The following AXDND1 variants were observed in gnomAD, a reference collection of about 807,000 sequenced individuals.
AXDND1 encodes the protein axonemal dynein light chain domain containing 1.
In AXDND1, 110 loss-of-function variants were observed where a neutral mutation model predicts 137.5. The ratio of observed to expected loss-of-function variants is 0.80; its 90% confidence interval spans 0.69 to 0.94. AXDND1 has a LOEUF of 0.94. AXDND1 is among the 40% of genes least tolerant of loss of function. The pLI is 0.00. For missense variants in AXDND1, 1,191 were observed against 1,169.8 expected, an observed-to-expected ratio of 1.02 and a Z score of -0.26; for synonymous variants, 414 against 399.7, an observed-to-expected ratio of 1.04 and a Z score of -0.43.
intron 3 of AXDND1, among the ~76,000 whole-genome samples, chr1:179,369,360 G>T (rs917251139): frequency 1.4e-4 from 22 of 152,308 alleles, no homozygotes; most frequent in Middle Eastern, 3.4e-3. Context: ...TTTCAAGTGT[G>T]AGCCAACATG....
intron 21 of AXDND1, among the ~76,000 whole-genome samples, chr1:179,510,433 C>CA: frequency 7.4e-6 from 1 of 134,710 alleles, no homozygotes; most frequent in South Asian, 2.8e-4. Flanking sequence ...AAGGTTCTAT[C>CA]TACACATTTA....
intron 16 of AXDND1, among the ~76,000 whole-genome samples, chr1:179,447,213 C>T (rs1659859777): frequency 6.6e-6 from 1 of 152,208 alleles, no homozygotes; most frequent in African/African-American, 2.4e-5. Context: ...TTTATCCCTT[C>T]TCCCACCCAC....
At position 179,391,108 on chromosome 1, in the gene AXDND1, CTTCT is replaced by C. The variant is rs1208875595; in HGVS notation, c.864-2792_864-2789del. On this transcript the variant is annotated intron_variant, in intron 9 of 25. Transcript: ENST00000367618. ...GGCGTGAGCCACTGAGGCCAGACTT[CTTCT>C]TTTTTTTTTTTTTTTCCTATATTGT... Among the ~76,000 whole-genome samples the C allele has an allele frequency of 3.2e-4, 26 of 80,818 alleles. No homozygotes were observed. The East Asian group carries it at 3.3e-3, about 10-fold the overall frequency. 53.0% of individuals were successfully genotyped at this position (80,818 alleles called of 152,430 possible).
intron 25 of AXDND1, among the ~76,000 whole-genome samples, chr1:179,553,660 T>C (rs189870412): frequency 1.9e-3 from 285 of 152,350 alleles, no homozygotes; most frequent in African/African-American, 6.5e-3. Context: ...GATGAAAATG[T>C]TCTGAAATTA....
chr1:179,456,875 A>G, intron 16 of AXDND1: 3 of 863,766 alleles, frequency 3.5e-6, no homozygotes, highest in Non-Finnish European at 5.9e-6. Flanking sequence ...TGGAGTTATG[A>G]TTGTCAAAGG....
intron 16 of AXDND1, chr1:179,450,124 T>G (rs1220391596): frequency 2.0e-5 from 3 of 151,050 alleles, no homozygotes; most frequent in African/African-American, 7.3e-5. Context: ...CTGCCCCAGC[T>G]TGATTACAGG....
chr1:179,410,042 A>C (rs1653623068), intron 11 of AXDND1, among the ~76,000 whole-genome samples: 1 of 152,184 alleles, frequency 6.6e-6, no homozygotes, highest in African/African-American at 2.4e-5. Context: ...ACAAATCTTA[A>C]GAGTATAGCT....
chr1:179,485,966 A>G (rs1363308130), intron 18 of AXDND1, among the ~76,000 whole-genome samples: 1 of 151,894 alleles, frequency 6.6e-6, no homozygotes, highest in Non-Finnish European at 1.5e-5. Flanking sequence ...AAAAATACAG[A>G]AAATTAGCTA....
chr1:179,527,174 T>A (rs1670608625), intron 22 of AXDND1, among the ~76,000 whole-genome samples: 1 of 152,216 alleles, frequency 6.6e-6, no homozygotes, highest in Non-Finnish European at 1.5e-5. Flanking sequence ...GGTGGATTAT[T>A]CATGCCTCCC....
chr1:179,436,191 C>T (rs558763562), intron 15 of AXDND1, among the ~76,000 whole-genome samples: 1 of 152,182 alleles, frequency 6.6e-6, no homozygotes, highest in East Asian at 1.9e-4. Flanking sequence ...AGTCAAGAAC[C>T]AATAGATGCT....
chr1:179,474,464 T>C (rs558495032), intron 17 of AXDND1, among the ~76,000 whole-genome samples: 3 of 152,320 alleles, frequency 2.0e-5, no homozygotes, highest in Non-Finnish European at 4.4e-5. Context: ...ACCAAAATGC[T>C]GATAGTGATG....
At chr1:179,509,437 A>C in intron 21 of AXDND1, 34 bp downstream of exon 21, 1 of 1,336,434 alleles carries the variant, frequency 7.5e-7, no homozygotes. Flanking sequence ...GTCATTATTC[A>C]GATTATTCCT....
intron 17 of AXDND1, among the ~76,000 whole-genome samples, chr1:179,471,792 TGTTA>T (rs1431711458): frequency 7.4e-6 from 1 of 134,314 alleles, no homozygotes; most frequent in Non-Finnish European, 1.6e-5. Flanking sequence ...TAAGTTGAGC[TGTTA>T]GTTTATTGAT....
intron 16 of AXDND1, chr1:179,457,265 T>G (rs1376246959): frequency 1.5e-6 from 1 of 687,558 alleles, no homozygotes; most frequent in Non-Finnish European, 2.6e-6. Flanking sequence ...TGCTTGTTTC[T>G]AAGCTCAACC....
chr1:179,392,517 T>C (rs567616977), intron 9 of AXDND1, among the ~76,000 whole-genome samples: 52 of 152,330 alleles, frequency 3.4e-4, no homozygotes, highest in African/African-American at 1.3e-3. Flanking sequence ...GATTGAATGG[T>C]AGTTCTACTT....
intron 21 of AXDND1, among the ~76,000 whole-genome samples, chr1:179,525,043 A>T (rs540988400): frequency 1.6e-4 from 25 of 152,126 alleles, no homozygotes; most frequent in Non-Finnish European, 3.1e-4. Flanking sequence ...CAAGAAAAAA[A>T]CTCAAACATT....
intron 16 of AXDND1, chr1:179,456,544 C>A (rs188138964): frequency 3.7e-4 from 284 of 777,210 alleles, no homozygotes; most frequent in Non-Finnish European, 6.2e-4. Context: ...CTTCCATAGC[C>A]TCTGCTTCCT....
At chr1:179,483,018 A>G (rs1665610324) in intron 17 of AXDND1, 110 bp from the exon 18 acceptor site, 3 of 638,460 alleles carry the variant, frequency 4.7e-6, no homozygotes, top group Non-Finnish European at 7.7e-6. Context: ...GCAGTTGTCA[A>G]CATCTAAGTT....
At chr1:179,517,557 C>T (rs551430551) in intron 21 of AXDND1, among the ~76,000 whole-genome samples, 4 of 152,326 alleles carry the variant, frequency 2.6e-5, no homozygotes, top group East Asian at 1.9e-4. Flanking sequence ...GCCGCCCTCC[C>T]GAAGGATCCC....
Sources: allele counts gnomAD v4.1 joint callset (sites outside exome capture counted in the v4.1 genomes callset), GRCh38; gene constraint gnomAD v4.1.1; transcripts MANE v1.5; gene names NCBI Gene and HGNC (gene_info 2026-07-23, HGNC 2026-07-21).